The following CNTNAP5 variants were observed in gnomAD, a reference collection of about 807,000 sequenced individuals.
CNTNAP5 encodes the protein contactin associated protein family member 5.
Under a neutral mutation model 150.2 loss-of-function variants are expected in CNTNAP5, and 72 were observed. The ratio of observed to expected loss-of-function variants is 0.48; its 90% confidence interval spans 0.40 to 0.58. CNTNAP5 has a LOEUF of 0.58. CNTNAP5 is among the 20% of genes least tolerant of loss of function. The pLI is 0.00. For synonymous variants in CNTNAP5, 672 were observed against 619.8 expected (o/e 1.08, Z -1.25); for missense variants, 1,636 against 1,626.2 (o/e 1.01, Z -0.10).
chr2:124,087,938 G>A (rs1253208374), intron 1 of CNTNAP5, among the ~76,000 whole-genome samples: 1 of 152,034 alleles, frequency 6.6e-6, no homozygotes, highest in African/African-American at 2.4e-5. Context: ...ATTCATTGGG[G>A]TCGATCCTAT....
At chr2:124,039,081 C>T (rs1681298531) in intron 1 of CNTNAP5, among the ~76,000 whole-genome samples, 1 of 152,200 alleles carries the variant, frequency 6.6e-6, no homozygotes, top group African/African-American at 2.4e-5. Context: ...ATATGAGTGT[C>T]AGGGCAAGAC....
intron 13 of CNTNAP5, among the ~76,000 whole-genome samples, chr2:124,686,022 G>A (rs748268776): frequency 2.6e-5 from 4 of 151,964 alleles, no homozygotes; most frequent in Non-Finnish European, 5.9e-5. Context: ...ATAGAATGTT[G>A]GACATAGAAT....
chr2:124,300,302 C>T (rs990997935), intron 3 of CNTNAP5, among the ~76,000 whole-genome samples: 1 of 152,160 alleles, frequency 6.6e-6, no homozygotes, highest in Non-Finnish European at 1.5e-5. Flanking sequence ...TGAACCCAAA[C>T]ATTTCCGTAA....
At chr2:124,509,164 T>C (rs2104868584) in intron 8 of CNTNAP5, among the ~76,000 whole-genome samples, 1 of 152,316 alleles carries the variant, frequency 6.6e-6, no homozygotes, top group South Asian at 2.1e-4. Context: ...TTCCCCGAGC[T>C]TTGTACAGTG....
chr2:124,726,255 C>T (rs761957344), intron 13 of CNTNAP5, among the ~76,000 whole-genome samples: 4 of 152,098 alleles, frequency 2.6e-5, no homozygotes, highest in Non-Finnish European at 5.9e-5. Flanking sequence ...ACCCAAATTG[C>T]ATCTCAAGTT....
rs139595776 is a variant in CNTNAP5 at position 124,635,167 on chromosome 2, G to A, written c.1877-12591G>A. On this transcript the variant is annotated intron_variant, in intron 12 of 23. Coordinates refer to ENST00000682447, the MANE Select transcript of CNTNAP5 (RefSeq NM_001367498.1). Reference sequence around the variant, plus strand: ...CAGGAAGTATGATGGCTTCTGGGGAGGCCTCGGGAAACTTTCAATCGTAAT... The same window carrying A: ...CAGGAAGTATGATGGCTTCTGGGGAAGCCTCGGGAAACTTTCAATCGTAAT... 1.4e-3 allele frequency among the ~76,000 whole-genome samples: 220 copies of A among 152,268 alleles called. 2 individuals are homozygous for A. Among genetic ancestry groups the A allele is most frequent in the African/African-American group, 5.0e-3 (208 of 41,554 alleles).
chr2:124,799,657 T>C (rs1330491205), intron 19 of CNTNAP5, among the ~76,000 whole-genome samples: 1 of 152,226 alleles, frequency 6.6e-6, no homozygotes. Flanking sequence ...TTATCTTGCT[T>C]TATTTTTTCT....
chr2:124,680,003 T>C (rs1679029676), intron 13 of CNTNAP5, among the ~76,000 whole-genome samples: 1 of 151,828 alleles, frequency 6.6e-6, no homozygotes, highest in Non-Finnish European at 1.5e-5. Context: ...TGTATTTCCA[T>C]CGATTTTTTA....
At chr2:124,364,494 G>A (rs961019317) in intron 3 of CNTNAP5, among the ~76,000 whole-genome samples, 1 of 152,040 alleles carries the variant, frequency 6.6e-6, no homozygotes, top group African/African-American at 2.4e-5. Context: ...TTTTGTCTCT[G>A]CCTAAACTTC....
chr2:124,343,203 A>G (rs2104694180), intron 3 of CNTNAP5, among the ~76,000 whole-genome samples: 1 of 152,328 alleles, frequency 6.6e-6, no homozygotes, highest in African/African-American at 2.4e-5. Flanking sequence ...TGTTTATACA[A>G]TAATTAAATG....
chr2:124,485,864 G>A (rs576061751), intron 7 of CNTNAP5, among the ~76,000 whole-genome samples: 71 of 152,046 alleles, frequency 4.7e-4, no homozygotes, highest in African/African-American at 1.6e-3. Flanking sequence ...TGCCCCTTAT[G>A]GACAAAGCAT....
chr2:124,511,793 G>C (rs1240975413), intron 8 of CNTNAP5, among the ~76,000 whole-genome samples: 1 of 152,146 alleles, frequency 6.6e-6, no homozygotes, highest in African/African-American at 2.4e-5. Context: ...ACTTTGTGGA[G>C]TCAGAAAAGT....
At chr2:124,802,952 A>G (rs534761116) in intron 19 of CNTNAP5, among the ~76,000 whole-genome samples, 22 of 152,050 alleles carry the variant, frequency 1.4e-4, no homozygotes, top group African/African-American at 5.3e-4. Context: ...GTGAAAACTC[A>G]TCTCTACAAA....
chr2:124,246,644 G>A (rs988957061), intron 3 of CNTNAP5, among the ~76,000 whole-genome samples: 2 of 152,114 alleles, frequency 1.3e-5, no homozygotes, highest in African/African-American at 4.8e-5. Context: ...CCTTTTGAAA[G>A]ATATGCCAGA....
intron 3 of CNTNAP5, among the ~76,000 whole-genome samples, chr2:124,308,572 GT>G (rs1386006108): frequency 2.6e-5 from 4 of 152,158 alleles, no homozygotes; most frequent in Non-Finnish European, 4.4e-5. Context: ...GGCTTAAAAG[GT>G]TAGCAAAGGA....
intron 6 of CNTNAP5, among the ~76,000 whole-genome samples, chr2:124,465,442 CA>C (rs1413309991): frequency 6.6e-6 from 1 of 152,022 alleles, no homozygotes; most frequent in Non-Finnish European, 1.5e-5. Flanking sequence ...CAAGACCAAG[CA>C]AGCAAGAAAA....
chr2:124,818,647 C>T (rs1272170179), intron 19 of CNTNAP5, among the ~76,000 whole-genome samples: 1 of 152,134 alleles, frequency 6.6e-6, no homozygotes. Context: ...GCTGCCATCT[C>T]CTCCCCCACT....
At chr2:124,627,592 A>C (rs373265639) in intron 12 of CNTNAP5, among the ~76,000 whole-genome samples, 1 of 152,208 alleles carries the variant, frequency 6.6e-6, no homozygotes, top group African/African-American at 2.4e-5. Flanking sequence ...AAGGTAGATA[A>C]ATCCATGAAG....
At chr2:124,613,287 G>A (rs1677423780) in intron 12 of CNTNAP5, among the ~76,000 whole-genome samples, 2 of 152,136 alleles carry the variant, frequency 1.3e-5, no homozygotes, top group Admixed American at 1.3e-4. Flanking sequence ...AGGAAGAAGG[G>A]AGAGAAGAAA....
Sources: gnomAD v4.1 joint callset for allele counts (sites outside exome capture counted in the v4.1 genomes callset) on GRCh38, gnomAD v4.1.1 for gene constraint, MANE v1.5 for transcripts, NCBI Gene and HGNC (gene_info 2026-07-23, HGNC 2026-07-21) for gene names.